SETD1A: variants seen among roughly 807,000 people sequenced by gnomAD.
The protein encoded by SETD1A is histone-lysine N-methyltransferase SETD1A.
A neutral mutation model predicts 149.9 loss-of-function variants in SETD1A; 29 were observed. The ratio of observed to expected loss-of-function variants is 0.19; its 90% CI spans 0.14 to 0.26. The LOEUF is 0.26. Among genes scored for constraint, SETD1A ranks in the 10% least tolerant of loss-of-function variants. The pLI, the probability that SETD1A is intolerant of heterozygous loss-of-function variation, is 1.00. For missense variants in SETD1A, 2,109 were observed against 2,353.1 expected, an observed-to-expected ratio of 0.90 and a Z score of 2.15; for synonymous variants, 1,141 against 968.5, an observed-to-expected ratio of 1.18 and a Z score of -3.31.
intron 12 of SETD1A, among the ~76,000 whole-genome samples, chr16:30,970,904 A>G (rs4889603): frequency 0.33 from 49,892 of 152,200 alleles, 10,792 homozygotes; most frequent in East Asian, 0.9. Flanking sequence ...CTTCCCGTAC[A>G]TGAGCAGTCT....
rs577988815 is a variant in SETD1A, at chr16:30,961,590, A to T, written c.517+53A>T. Reference sequence around the variant, plus strand: ...GCTTGGCCTCCAGCGGAGGTTGTACATGCAAATGCCTGTCAGGGTCAGGCA... The same window carrying T: ...GCTTGGCCTCCAGCGGAGGTTGTACTTGCAAATGCCTGTCAGGGTCAGGCA... On this transcript the variant is annotated intron_variant, in intron 4 of 18. Transcript: ENST00000262519. This position sits in a 1 kb window ranked among gnomAD's most constrained non-coding sequence, Gnocchi z 4.0. 551 of 1,575,942 alleles carry T rather than the reference A, an allele frequency of 3.5e-4. 1 individual carries two copies. Among genetic ancestry groups the T allele is most frequent in the Middle Eastern group, 9.9e-4 (5 of 5,076 alleles).
intron 13 of SETD1A, among the ~76,000 whole-genome samples, chr16:30,976,430 G>A (rs141469685): frequency 6.6e-6 from 1 of 152,294 alleles, no homozygotes; most frequent in African/African-American, 2.4e-5. Flanking sequence ...TGGGGCCTGG[G>A]AGTGAGGGGA....
At position 30,979,791 on chromosome 16, in the gene SETD1A, C is replaced by T. The variant is rs781750379; in HGVS notation, c.4005C>T (p.Val1335=). The part of the protein sequence containing the change: ...AALFSSPADE[V]LEAPEVVVAE... ...TCTTCAGTTCCCCAGCTGATGAGGTCCTGGAGGCCCCCGAGGTGGTGGTGG... is the reference window on the plus strand; with the variant it reads ...TCTTCAGTTCCCCAGCTGATGAGGTTCTGGAGGCCCCCGAGGTGGTGGTGG... Residue 1335 remains valine, a synonymous_variant, in exon 14 of 19, where the codon GTC becomes GTT. Transcript: ENST00000262519. 1.2e-5 allele frequency: 19 copies of T among 1,581,948 alleles called. No individual in the cohort carries two copies. Among genetic ancestry groups the T allele is most frequent in the Non-Finnish European group, 1.5e-5 (18 of 1,171,300 alleles).
chr16:30,976,522 C>A (rs1381179532), intron 13 of SETD1A, among the ~76,000 whole-genome samples: 1 of 151,918 alleles, frequency 6.6e-6, no homozygotes, highest in Admixed American at 6.6e-5. Flanking sequence ...CAGGAGAGGG[C>A]AAAGTACGGG....
chr16:30,958,277 G>A (rs1437793993), intron 1 of SETD1A: 1 of 154,662 alleles, frequency 6.5e-6, no homozygotes, highest in Admixed American at 6.5e-5. Context: ...GTCTCGCGGT[G>A]TTTCCAACGC....
At chr16:30,973,162 CAAAT>C (rs2056245530) in intron 13 of SETD1A, among the ~76,000 whole-genome samples, 2 of 152,088 alleles carry the variant, frequency 1.3e-5, no homozygotes, top group Non-Finnish European at 2.9e-5. Flanking sequence ...GCCCAGCAGA[CAAAT>C]AGGCCAGCCA....
intron 1 of SETD1A, among the ~76,000 whole-genome samples, 170 bp downstream of exon 1, chr16:30,958,134 G>C (rs2055989287): frequency 6.7e-6 from 1 of 149,152 alleles, no homozygotes. Context: ...GGTGAGTGGG[G>C]CCGCGCGGCG....
Position 30,965,479 on chromosome 16 carries a change from C to T in SETD1A, c.1719+18C>T. On this transcript the variant is annotated intron_variant, in intron 7 of 18. Transcript: ENST00000262519. ...AGAACCAGGTGAGGTTGGGGTCAGC[C>T]AGAGGAGGCACCTGGGCTCTGGGAG... 1 of 1,585,024 alleles carries T rather than the reference C, an allele frequency of 6.3e-7. No homozygotes were observed. Among genetic ancestry groups the T allele is most frequent in the Non-Finnish European group, 8.6e-7 (1 of 1,161,902 alleles).
chr16:30,968,807 AAAAT>A (rs1223166020), intron 10 of SETD1A, among the ~76,000 whole-genome samples: 2 of 151,084 alleles, frequency 1.3e-5, no homozygotes, highest in East Asian at 1.9e-4. Flanking sequence ...CTCAAAAAAA[AAAAT>A]ATATATATAT....
Position 30,964,609 on chromosome 16 carries a change from C to T in SETD1A, c.870-3C>T. 1 of 1,610,440 alleles carries T rather than the reference C, an allele frequency of 6.2e-7. No homozygotes were observed. Among genetic ancestry groups the T allele is most frequent in the Middle Eastern group, 1.7e-4 (1 of 6,050 alleles). ...CCAGCTAACTCCCCTGCTTCTTCTC[C>T]AGCACCACTTCAACCTCCTTCAAGC... On this transcript the variant is annotated splice_polypyrimidine_tract_variant and splice_region_variant and intron_variant, in intron 6 of 18. Coordinates refer to ENST00000262519, the MANE Select transcript of SETD1A (RefSeq NM_014712.3).
intron 17 of SETD1A, 99 bp downstream of exon 17, chr16:30,981,279 C>T (rs1596694912): frequency 1.3e-6 from 2 of 1,488,266 alleles, no homozygotes; most frequent in East Asian, 2.3e-5. Flanking sequence ...CTTGCACACT[C>T]CCTAACCCCG....
intron 12 of SETD1A, among the ~76,000 whole-genome samples, chr16:30,970,918 A>G (rs1009812026): frequency 2.0e-5 from 3 of 152,204 alleles, no homozygotes; most frequent in African/African-American, 7.2e-5. Context: ...GCAGTCTCAG[A>G]ATATAGAGCC....
intron 13 of SETD1A, among the ~76,000 whole-genome samples, chr16:30,978,338 A>C (rs546135544): frequency 1.3e-5 from 2 of 151,478 alleles, no homozygotes; most frequent in Non-Finnish European, 1.5e-5. Flanking sequence ...GAGTTACTCT[A>C]CGTAAGAGGT....
At chr16:30,965,534 G>A in intron 7 of SETD1A, 67 bp from the exon 8 acceptor site, 2 of 1,591,804 alleles carry the variant, frequency 1.3e-6, no homozygotes, top group Non-Finnish European at 1.7e-6. Flanking sequence ...AGAGGGAAGG[G>A]AACCAGATGA....
Position 30,983,607 on chromosome 16 carries a change from C to T in SETD1A, c.4813-28C>T. On this transcript the variant is annotated intron_variant, in intron 17 of 18. Coordinates refer to ENST00000262519, the MANE Select transcript of SETD1A (RefSeq NM_014712.3). The surrounding 1 kb of genome is among the most constrained non-coding windows in gnomAD (Gnocchi z 6.8). ...CAGGGGCAGGAAGTGGGGGACTCTT[C>T]CCTGACCATCGCATCTCACCCTGGC... The T allele has an allele frequency of 6.2e-7, 1 of 1,604,076 alleles. No homozygotes were observed. Among genetic ancestry groups the T allele is most frequent in the Non-Finnish European group, 8.5e-7 (1 of 1,176,902 alleles).
rs993382087 is a variant in SETD1A, at chr16:30,961,626, G to A, written c.517+89G>A. The stretch of plus-strand genomic sequence containing the variant: ...TGTCAGGGTCAGGCAGGCGCCCAGG[G>A]TCATGATCTGAAACTGCTGGGGCCA... On this transcript the variant is annotated intron_variant, in intron 4 of 18. Coordinates refer to ENST00000262519, the MANE Select transcript of SETD1A (RefSeq NM_014712.3). The surrounding 1 kb of genome is among the most constrained non-coding windows in gnomAD (Gnocchi z 4.0). 28 of 1,267,182 alleles carry A rather than the reference G, an allele frequency of 2.2e-5. No individual in the cohort carries two copies. In the African/African-American group the frequency reaches 3.2e-4, roughly 14 times the overall value. 78.5% of individuals were successfully genotyped at this position (1,267,182 alleles called of 1,614,324 possible). A position where few individuals can be genotyped will look rare whatever the true frequency, so the allele number is the denominator to read the frequency against.
In SETD1A at chr16:30,981,088, C is replaced by T. The variant is rs754295605; in HGVS notation, c.4720C>T (p.Arg1574Trp). 12 of 1,614,064 alleles carry T rather than the reference C, an allele frequency of 7.4e-6. No individual in the cohort carries two copies. The highest frequency in any genetic ancestry group is 2.2e-5 in the East Asian group (1 of 44,898). The change falls in exon 17 of 19, where the codon CGG becomes TGG. Residue 1574 changes from arginine to tryptophan, a missense_variant. Arg to Trp is a moderately radical substitution (Grantham distance 101, BLOSUM62 -3). Transcript: ENST00000262519. Reference sequence around the variant, plus strand: ...CCGGAAGAAGAAGCTCCGATTTGGCCGGAGCCGGATCCACGAGTGGGGTCT... The same window carrying T: ...CCGGAAGAAGAAGCTCCGATTTGGCTGGAGCCGGATCCACGAGTGGGGTCT... Reference protein sequence around the residue: ...KFRKKKLRFGRSRIHEWGLFA... With the variant: ...KFRKKKLRFGWSRIHEWGLFA...
rs2056194985 is a variant in SETD1A at position 30,969,356 on chromosome 16, C to A, written c.2822C>A (p.Pro941His). Reference sequence around the variant, plus strand: ...GAGCCAGGACGTCCGGGGACCAAGCCCCCGAAGCGGGACGAAGAGCGAGGC... The same window carrying A: ...GAGCCAGGACGTCCGGGGACCAAGCACCCGAAGCGGGACGAAGAGCGAGGC... Reference protein sequence around the residue: ...AGEPGRPGTKPPKRDEERGKT... With the variant: ...AGEPGRPGTKHPKRDEERGKT... The change falls in exon 11 of 19, where the codon CCC becomes CAC. Residue 941 changes from proline (P) to histidine (H), a missense_variant. Physicochemically the swap from Pro to His is moderately conservative, Grantham distance 77. Coordinates refer to ENST00000262519, the MANE Select transcript of SETD1A (RefSeq NM_014712.3). 2 of 1,614,192 alleles carry A rather than the reference C, an allele frequency of 1.2e-6. No homozygotes were observed. The highest frequency in any genetic ancestry group is 1.7e-6 in the Non-Finnish European group (2 of 1,180,026).
chr16:30,979,210 G>GC lies in SETD1A; in HGVS notation c.3428dup (p.Ala1144CysfsTer6). 1.5e-5 allele frequency: 24 copies of GC among 1,585,042 alleles called. No homozygotes were observed. Among genetic ancestry groups the GC allele is most frequent in the African/African-American group, 9.4e-5 (7 of 74,490 alleles). On this transcript the variant is annotated frameshift_variant, in exon 14 of 19. Transcript: ENST00000262519. LOFTEE classifies it high-confidence loss of function. Reference sequence around the variant, plus strand: ...CCCAGAACCACCTGCTGGGCCCCCGGCCCCTGCCCCACGCCCCGATGAGCG... The same window carrying GC: ...CCCAGAACCACCTGCTGGGCCCCCGGCCCCCTGCCCCACGCCCCGATGAGCG...
Sources: allele counts gnomAD v4.1 joint callset (sites outside exome capture counted in the v4.1 genomes callset), GRCh38; gene constraint gnomAD v4.1.1; non-coding constraint Gnocchi (gnomAD v3.1); transcripts MANE v1.5; gene names NCBI Gene and HGNC (gene_info 2026-07-23, HGNC 2026-07-21).